ARHGEF17: variants seen among roughly 807,000 people sequenced by gnomAD.
ARHGEF17 encodes the protein Rho guanine nucleotide exchange factor 17.
ARHGEF17 carries 80 observed loss-of-function variants against 174.0 expected under a neutral mutation model. That is an observed-to-expected ratio of 0.46 (90% confidence interval 0.38 to 0.55). ARHGEF17 has a LOEUF of 0.55. ARHGEF17 is among the 20% of genes least tolerant of loss of function. The probability of loss-of-function intolerance (pLI) is 0.00; values close to 1 mark genes in which losing one functional copy is unlikely to be tolerated. For synonymous variants in ARHGEF17, 1,311 were observed against 1,189.1 expected (o/e 1.10, Z -2.11); for missense variants, 2,886 against 2,839.7 (o/e 1.02, Z -0.37).
At chr11:73,336,188 T>A (rs1865283896) in intron 1 of ARHGEF17, among the ~76,000 whole-genome samples, 2 of 152,216 alleles carry the variant, frequency 1.3e-5, no homozygotes, top group Non-Finnish European at 2.9e-5. Flanking sequence ...CTTTGCCACA[T>A]CCTGACTTCA....
intron 9 of ARHGEF17, among the ~76,000 whole-genome samples, chr11:73,358,422 C>T (rs1217258631): frequency 6.7e-6 from 1 of 150,370 alleles, no homozygotes; most frequent in Non-Finnish European, 1.5e-5. Flanking sequence ...GTTTCCCCCT[C>T]ATGACCAGGT....
chr11:73,344,675 C>T (rs1865431638), intron 1 of ARHGEF17, among the ~76,000 whole-genome samples: 1 of 152,224 alleles, frequency 6.6e-6, no homozygotes, highest in Non-Finnish European at 1.5e-5. Flanking sequence ...CTGCTCTGCT[C>T]GCTGCCGCCT....
intron 2 of ARHGEF17, among the ~76,000 whole-genome samples, chr11:73,347,653 C>T (rs1865486433): frequency 1.3e-5 from 2 of 152,216 alleles, no homozygotes; most frequent in Non-Finnish European, 2.9e-5. Context: ...GCAGAGGCCA[C>T]GCTGTGGGGG....
chr11:73,317,996 G>T (rs1591721404), intron 1 of ARHGEF17, among the ~76,000 whole-genome samples: 1 of 152,144 alleles, frequency 6.6e-6, no homozygotes, highest in South Asian at 2.1e-4. Flanking sequence ...CCTTCAATAA[G>T]TTCCATCCCC....
chr11:73,356,450 T>C, intron 6 of ARHGEF17, 99 bp downstream of exon 6: 1 of 1,392,350 alleles, frequency 7.2e-7, no homozygotes, highest in Non-Finnish European at 9.6e-7. Context: ...ATCGTGGCTG[T>C]GTCCATGTCC....
At chr11:73,347,070 G>C (rs549262041) in intron 2 of ARHGEF17, 110 bp downstream of exon 2, 2 of 1,081,708 alleles carry the variant, frequency 1.8e-6, no homozygotes, top group Non-Finnish European at 2.8e-6. Context: ...CCAGAGAGCC[G>C]TGTCCCTGGC....
At chr11:73,359,697 T>C (rs1216443488) in intron 9 of ARHGEF17, 137 bp from the exon 10 acceptor site, 3 of 671,622 alleles carry the variant, frequency 4.5e-6, no homozygotes, top group East Asian at 5.9e-5. Flanking sequence ...TCCCAAGAGC[T>C]TGGGGTTTCT....
intron 1 of ARHGEF17, among the ~76,000 whole-genome samples, chr11:73,323,611 C>G (rs1361369147): frequency 6.6e-6 from 1 of 152,234 alleles, no homozygotes; most frequent in African/African-American, 2.4e-5. Context: ...TGAGCGCCCT[C>G]CCAGCTCCTG....
chr11:73,360,273 C>A, intron 10 of ARHGEF17, 47 bp from the exon 11 acceptor site: 1 of 1,603,214 alleles, frequency 6.2e-7, no homozygotes, highest in Non-Finnish European at 8.5e-7. Context: ...CAGGTGCAGG[C>A]TCTGGTGAGA....
rs200538831 is a variant in ARHGEF17 at position 73,365,352 on chromosome 11, G to A, written c.5551-38G>A. 1 of 1,610,420 alleles carries A rather than the reference G, an allele frequency of 6.2e-7. No individual in the cohort carries two copies. The highest frequency in any genetic ancestry group is 8.5e-7 in the Non-Finnish European group (1 of 1,178,254). On this transcript the variant is annotated intron_variant, in intron 18 of 20. Transcript: ENST00000263674. This position sits in a 1 kb window ranked among gnomAD's most constrained non-coding sequence, Gnocchi z 4.9. ...GGCTAGGGTGGGCCAAGGGAGGCAGGCCTGCCAATGACCCATCTTCTCCCC... is the reference window on the plus strand; with the variant it reads ...GGCTAGGGTGGGCCAAGGGAGGCAGACCTGCCAATGACCCATCTTCTCCCC...
At chr11:73,360,178 C>A in intron 10 of ARHGEF17, 142 bp from the exon 11 acceptor site, 1 of 978,392 alleles carries the variant, frequency 1.0e-6, no homozygotes, top group Non-Finnish European at 1.5e-6. Context: ...CCCCATCCCC[C>A]ATATATCAAA....
Position 73,360,415 on chromosome 11 carries a change from C to A in ARHGEF17, c.4302C>A (p.Thr1434=), listed in dbSNP as rs901619991. 5 of 1,613,876 alleles carry A rather than the reference C, an allele frequency of 3.1e-6. No individual in the cohort carries two copies. The African/African-American group carries it at 5.3e-5, about 17-fold the overall frequency. The change falls in exon 11 of 21, where the codon ACC becomes ACA. Residue 1434 remains threonine, a synonymous_variant. Coordinates refer to ENST00000263674, the MANE Select transcript of ARHGEF17 (RefSeq NM_014786.4). ...ALCYALSFPP[T]KLELCATRPE... is the part of the protein sequence containing the mutation. The stretch of plus-strand genomic sequence containing the variant: ...GCTACGCGCTTTCCTTCCCGCCAAC[C>A]AAGCTGGAGCTGTGCGCCACTCGGC...
Position 73,345,293 on chromosome 11 carries a change from C to T in ARHGEF17, c.3193-1590C>T, listed in dbSNP as rs1388303809. ...TGAGGTACCTTCCCACCCGTCAGAG[C>T]CCAGGGCTGGCAATGGTGGGCTGGC... is the stretch of plus-strand genomic sequence containing the variant. On this transcript the variant is annotated intron_variant, in intron 1 of 20. Coordinates refer to ENST00000263674, the MANE Select transcript of ARHGEF17 (RefSeq NM_014786.4). 2.0e-5 allele frequency among the ~76,000 whole-genome samples: 3 copies of T among 152,224 alleles called. No homozygotes were observed. The East Asian group carries it at 5.8e-4, about 29-fold the overall frequency.
intron 1 of ARHGEF17, among the ~76,000 whole-genome samples, chr11:73,321,267 G>C (rs572662914): frequency 2.3e-5 from 3 of 129,092 alleles, no homozygotes; most frequent in African/African-American, 1.2e-4. Flanking sequence ...CCACTCACCA[G>C]CTCTTCTCCT....
chr11:73,342,958 C>T, intron 1 of ARHGEF17: 1 of 192,188 alleles, frequency 5.2e-6, no homozygotes. Flanking sequence ...GCGCCGCCGG[C>T]GGCCGGGCCG....
chr11:73,326,948 G>A (rs919974750), intron 1 of ARHGEF17, among the ~76,000 whole-genome samples: 2 of 152,200 alleles, frequency 1.3e-5, no homozygotes, highest in African/African-American at 4.8e-5. Context: ...CCTGATGGGA[G>A]GCGTTAGAGT....
At chr11:73,353,181 A>T in intron 3 of ARHGEF17, 169 bp downstream of exon 3, 1 of 878,570 alleles carries the variant, frequency 1.1e-6, no homozygotes, top group Non-Finnish European at 1.7e-6. Context: ...CCCTGGGTGG[A>T]CCTGAACTTG....
chr11:73,360,860 A>T (rs1565208611), intron 11 of ARHGEF17, among the ~76,000 whole-genome samples: 1 of 152,328 alleles, frequency 6.6e-6, no homozygotes, highest in South Asian at 2.1e-4. Flanking sequence ...ATCAGGGTTC[A>T]TGGCTTAGAA....
intron 1 of ARHGEF17, among the ~76,000 whole-genome samples, chr11:73,325,347 C>T (rs1034301144): frequency 6.6e-6 from 1 of 152,258 alleles, no homozygotes; most frequent in African/African-American, 2.4e-5. Context: ...GCTGTGGGTG[C>T]TGGGGAAGAA....
Sources: allele counts gnomAD v4.1 joint callset (sites outside exome capture counted in the v4.1 genomes callset), GRCh38; gene constraint gnomAD v4.1.1; non-coding constraint Gnocchi (gnomAD v3.1); transcripts MANE v1.5; gene names NCBI Gene and HGNC (gene_info 2026-07-23, HGNC 2026-07-21).